ELMO1: variants seen among roughly 807,000 people sequenced by gnomAD.
ELMO1 encodes the protein engulfment and cell motility protein 1.
In ELMO1, 26 loss-of-function variants were observed where a neutral mutation model predicts 98.9. That is an observed-to-expected ratio of 0.26 (90% CI 0.19 to 0.36). The LOEUF is 0.36. Ranked by LOEUF, ELMO1 falls within the 10% of genes least tolerant of loss-of-function variation. ELMO1 has a pLI of 1.00. For synonymous variants in ELMO1, 346 were observed against 346.0 expected, an observed-to-expected ratio of 1.00 and a Z score of 0.00; for missense variants, 627 against 935.2, an observed-to-expected ratio of 0.67 and a Z score of 4.30.
At chr7:37,157,086 G>T (rs575632077) in intron 13 of ELMO1, among the ~76,000 whole-genome samples, 56 of 152,314 alleles carry the variant, frequency 3.7e-4, no homozygotes, top group African/African-American at 1.3e-3. Flanking sequence ...CTCAATAGAT[G>T]CAGAAAAGGC....
At chr7:37,127,331 A>T (rs1249089925) in intron 14 of ELMO1, among the ~76,000 whole-genome samples, 1 of 152,160 alleles carries the variant, frequency 6.6e-6, no homozygotes, top group Non-Finnish European at 1.5e-5. Context: ...TGGACTTTCC[A>T]TGTTTTCTAA....
chr7:37,363,322 A>G (rs1801771317), intron 1 of ELMO1, among the ~76,000 whole-genome samples: 1 of 152,074 alleles, frequency 6.6e-6, no homozygotes, highest in Non-Finnish European at 1.5e-5. Context: ...TTCTCTACAT[A>G]GCCACCAAAG....
In ELMO1 at chr7:37,013,303, T is replaced by C. The variant is rs1189345389; in HGVS notation, c.1433A>G (p.Asn478Ser). The change falls in exon 16 of 22, where the codon AAC becomes AGC. Residue 478 changes from asparagine (N) to serine (S), a missense_variant. Asn to Ser is a conservative substitution (Grantham distance 46). Transcript: ENST00000310758. ...KEMRATSEDF[N>S]KVMQVVKEQV... ...TCTATCCGAGATCCACATTACCTTGTTGAAGTCTTCAGAAGTTGCCCTCAT... is the reference window on the plus strand; with the variant it reads ...TCTATCCGAGATCCACATTACCTTGCTGAAGTCTTCAGAAGTTGCCCTCAT... The C allele has an allele frequency of 6.2e-7, 1 of 1,614,130 alleles. No homozygotes were observed. Among genetic ancestry groups the C allele is most frequent in the Non-Finnish European group, 8.5e-7 (1 of 1,179,974 alleles).
At chr7:37,021,317 T>C (rs144570368) in intron 15 of ELMO1, among the ~76,000 whole-genome samples, 61 of 152,320 alleles carry the variant, frequency 4.0e-4, no homozygotes, top group Middle Eastern at 3.4e-3. Flanking sequence ...TCTGGTTTAA[T>C]AGAACTCTGG....
chr7:36,864,020 T>C (rs1185304979), intron 20 of ELMO1, among the ~76,000 whole-genome samples: 1 of 152,194 alleles, frequency 6.6e-6, no homozygotes, highest in Non-Finnish European at 1.5e-5. Context: ...GTCAGGATAT[T>C]ACAGTGGCGT....
At chr7:37,299,203 A>T (rs1247870009) in intron 4 of ELMO1, among the ~76,000 whole-genome samples, 1 of 58,170 alleles carries the variant, frequency 1.7e-5, no homozygotes, top group Non-Finnish European at 3.6e-5. Flanking sequence ...TCTGGGTATT[A>T]GCCCTTTGTC....
chr7:37,384,521 C>G (rs554146969), intron 1 of ELMO1, among the ~76,000 whole-genome samples: 2 of 152,172 alleles, frequency 1.3e-5, no homozygotes, highest in African/African-American at 4.8e-5. Flanking sequence ...GAGATCAAGA[C>G]CATCCTGGCT....
At chr7:37,346,401 T>C (rs1801010089) in intron 1 of ELMO1, among the ~76,000 whole-genome samples, 1 of 152,098 alleles carries the variant, frequency 6.6e-6, no homozygotes, top group Non-Finnish European at 1.5e-5. Context: ...ACCATAGCAA[T>C]GCCAATTTGT....
At chr7:37,323,757 C>T (rs1030573362) in intron 2 of ELMO1, among the ~76,000 whole-genome samples, 6 of 151,996 alleles carry the variant, frequency 3.9e-5, no homozygotes, top group African/African-American at 1.5e-4. Context: ...TTTCCTTTGC[C>T]CATAATACAA....
At chr7:37,328,716 A>G (rs1799949289) in intron 2 of ELMO1, among the ~76,000 whole-genome samples, 1 of 152,182 alleles carries the variant, frequency 6.6e-6, no homozygotes, top group Admixed American at 6.5e-5. Context: ...TCCTAAATTA[A>G]CACTGGAACG....
intron 13 of ELMO1, among the ~76,000 whole-genome samples, chr7:37,189,513 G>A (rs1791446109): frequency 6.6e-6 from 1 of 152,148 alleles, no homozygotes; most frequent in Non-Finnish European, 1.5e-5. Flanking sequence ...GGCAACCCAA[G>A]GGCAGAGATA....
chr7:37,325,905 G>A (rs1467751502), intron 2 of ELMO1, among the ~76,000 whole-genome samples: 1 of 152,092 alleles, frequency 6.6e-6, no homozygotes, highest in Non-Finnish European at 1.5e-5. Flanking sequence ...GAGGCGCCTC[G>A]TGACATTGTG....
At chr7:36,918,393 T>G (rs992473778) in intron 16 of ELMO1, among the ~76,000 whole-genome samples, 3 of 152,178 alleles carry the variant, frequency 2.0e-5, no homozygotes, top group African/African-American at 4.8e-5. Flanking sequence ...AATAATTTTA[T>G]AAGTGAAAAT....
chr7:37,416,597 CCA>C (rs1437477119), intron 1 of ELMO1, among the ~76,000 whole-genome samples: 1 of 152,176 alleles, frequency 6.6e-6, no homozygotes, highest in Admixed American at 6.5e-5. Flanking sequence ...AAAAGGAGGG[CCA>C]CATTTGCTTA....
chr7:37,272,093 G>T lies in ELMO1; in HGVS notation c.193-211C>A, dbSNP rs111485325. On this transcript the variant is annotated intron_variant, in intron 4 of 21. Transcript: ENST00000310758. ...ACAAACCCAAAGAAAAGGAATATGG[G>T]TCCCAAGTATAGCAAACAAAAAAAG... Among the ~76,000 whole-genome samples, 256 of 152,242 alleles carry T rather than the reference G, an allele frequency of 1.7e-3. 1 individual carries two copies. Among genetic ancestry groups the T allele is most frequent in the African/African-American group, 6.0e-3 (249 of 41,534 alleles).
rs544178959 is a variant in ELMO1 at position 37,095,119 on chromosome 7, G to A, written c.1300+1500C>T. Among the ~76,000 whole-genome samples, 7 of 152,220 alleles carry A rather than the reference G, an allele frequency of 4.6e-5. No individual in the cohort carries two copies. In the East Asian group the frequency reaches 9.6e-4, roughly 21 times the overall value. On this transcript the variant is annotated intron_variant, in intron 15 of 21. Coordinates refer to ENST00000310758, the MANE Select transcript of ELMO1 (RefSeq NM_014800.11). ...CATCAGAAAGGAGGAGACAACCAAG[G>A]GCAGTGCAGAGCAGTACCTTGGACA...
intron 13 of ELMO1, among the ~76,000 whole-genome samples, chr7:37,167,533 G>T (rs1310318329): frequency 1.1e-4 from 16 of 146,970 alleles, no homozygotes; most frequent in Admixed American, 3.4e-4. Context: ...GGGCAGGCCT[G>T]GTGGTGACAA....
Position 37,276,657 on chromosome 7 carries a change from C to T in ELMO1, c.193-4775G>A, listed in dbSNP as rs973113660. 7.2e-5 allele frequency among the ~76,000 whole-genome samples: 11 copies of T among 152,280 alleles called. No homozygotes were observed. In the South Asian group the frequency reaches 1.7e-3, roughly 23 times the overall value. On this transcript the variant is annotated intron_variant, in intron 4 of 21. Coordinates refer to ENST00000310758, the MANE Select transcript of ELMO1 (RefSeq NM_014800.11). ...CACATAAAAAGCACACTGCTAGACCCTTATTTGTTTTTAGCTAGACCCTAT... is the reference window on the plus strand; with the variant it reads ...CACATAAAAAGCACACTGCTAGACCTTTATTTGTTTTTAGCTAGACCCTAT...
chr7:37,012,639 T>G (rs953523786), intron 16 of ELMO1, among the ~76,000 whole-genome samples: 1 of 152,368 alleles, frequency 6.6e-6, no homozygotes, highest in East Asian at 1.9e-4. Flanking sequence ...TTCCCTCTGC[T>G]GGTTATTCAC....
Sources: gnomAD v4.1 joint callset for allele counts (sites outside exome capture counted in the v4.1 genomes callset) on GRCh38, gnomAD v4.1.1 for gene constraint, MANE v1.5 for transcripts, NCBI Gene and HGNC (gene_info 2026-07-23, HGNC 2026-07-21) for gene names.